AP4E1: variants seen among roughly 807,000 people sequenced by gnomAD.
The protein encoded by AP4E1 is AP-4 complex subunit epsilon-1.
AP4E1 carries 56 observed loss-of-function variants against 128.2 expected under a neutral mutation model. The ratio of observed to expected loss-of-function variants is 0.44; its 90% CI spans 0.35 to 0.55. The LOEUF (loss-of-function observed/expected upper bound fraction) is 0.55, where lower values mean the gene tolerates loss of function less well. Ranked by LOEUF, AP4E1 falls within the 20% of genes least tolerant of loss-of-function variation. The probability of loss-of-function intolerance (pLI) is 0.00; values close to 1 mark genes in which losing one functional copy is unlikely to be tolerated. For missense variants in AP4E1, 1,324 were observed against 1,307.7 expected, an observed-to-expected ratio of 1.01 and a Z score of -0.19; for synonymous variants, 484 against 473.1, an observed-to-expected ratio of 1.02 and a Z score of -0.30.
chr15:50,938,789 A>G (rs945509489), intron 8 of AP4E1, among the ~76,000 whole-genome samples: 5 of 152,154 alleles, frequency 3.3e-5, no homozygotes, highest in Admixed American at 2.6e-4. Flanking sequence ...GGCAGGGTAG[A>G]ATCAGTTGAT....
chr15:50,990,170 C>T (rs1169761963), intron 16 of AP4E1, among the ~76,000 whole-genome samples: 1 of 151,874 alleles, frequency 6.6e-6, no homozygotes, highest in Non-Finnish European at 1.5e-5. Context: ...TACAAGGGCA[C>T]ACCGTAGAAA....
chr15:50,952,708 A>C (rs1227005482), intron 13 of AP4E1, among the ~76,000 whole-genome samples: 1 of 151,428 alleles, frequency 6.6e-6, no homozygotes, highest in Admixed American at 6.6e-5. Flanking sequence ...AATGAACCCC[A>C]CTTTCTTTTG....
Position 50,992,841 on chromosome 15 carries a change from G to A in AP4E1, c.2091-529G>A, listed in dbSNP as rs534903242. 3.9e-5 allele frequency among the ~76,000 whole-genome samples: 6 copies of A among 152,186 alleles called. No individual in the cohort carries two copies. In the South Asian group the frequency reaches 1.2e-3, roughly 32 times the overall value. ...AATTTATGGGGAGCATGTATTCAGGGCAACTTGAATTTATGTTTCCTGGGT... is the reference window on the plus strand; with the variant it reads ...AATTTATGGGGAGCATGTATTCAGGACAACTTGAATTTATGTTTCCTGGGT... On this transcript the variant is annotated intron_variant, in intron 16 of 20. Coordinates refer to ENST00000261842, the MANE Select transcript of AP4E1 (RefSeq NM_007347.5).
chr15:50,909,902 G>A (rs896890493), intron 1 of AP4E1, among the ~76,000 whole-genome samples: 2 of 152,190 alleles, frequency 1.3e-5, no homozygotes, highest in Non-Finnish European at 2.9e-5. Flanking sequence ...AGCGAGGATG[G>A]TCTCGATCTC....
chr15:50,993,723 G>C (rs919799806), intron 17 of AP4E1, 98 bp downstream of exon 17: 1 of 1,457,060 alleles, frequency 6.9e-7, no homozygotes. Flanking sequence ...TATATGTATA[G>C]TGAAAAGTGG....
At chr15:50,978,987 T>TA (rs2064599011) in intron 15 of AP4E1, among the ~76,000 whole-genome samples, 1 of 152,224 alleles carries the variant, frequency 6.6e-6, no homozygotes, top group Admixed American at 6.5e-5. Context: ...TTGGAATTGA[T>TA]ACTTTTTTCT....
chr15:50,983,887 T>C, intron 15 of AP4E1, 135 bp from the exon 16 acceptor site: 1 of 775,058 alleles, frequency 1.3e-6, no homozygotes, highest in East Asian at 2.8e-5. Flanking sequence ...TTTGATTAGA[T>C]CATCCTCAAA....
At chr15:50,986,518 GC>G (rs1177891432) in intron 16 of AP4E1, among the ~76,000 whole-genome samples, 2 of 152,240 alleles carry the variant, frequency 1.3e-5, no homozygotes, top group East Asian at 1.9e-4. Context: ...TTAGCATGAA[GC>G]GCTGTTGAAT....
intron 14 of AP4E1, among the ~76,000 whole-genome samples, chr15:50,964,481 T>G (rs916865983): frequency 1.3e-5 from 2 of 152,128 alleles, no homozygotes; most frequent in African/African-American, 2.4e-5. Context: ...ATATTTCCTT[T>G]TTTTGGGATC....
intron 15 of AP4E1, among the ~76,000 whole-genome samples, chr15:50,976,097 CA>C (rs34632792): frequency 7.3e-5 from 11 of 151,276 alleles, no homozygotes; most frequent in African/African-American, 2.2e-4. Flanking sequence ...AGAGCCACCA[CA>C]AAAAAAAGAA....
At chr15:50,928,216 G>GAT (rs201791458) in intron 5 of AP4E1, among the ~76,000 whole-genome samples, 7 of 151,626 alleles carry the variant, frequency 4.6e-5, no homozygotes, top group Non-Finnish European at 7.4e-5. Context: ...GCTATCCAGT[G>GAT]ATATATATAT....
At chr15:50,962,829 G>A (rs79490108) in intron 14 of AP4E1, among the ~76,000 whole-genome samples, 10,555 of 116,214 alleles carry the variant, frequency 0.091, 549 homozygotes, top group Middle Eastern at 0.16. Flanking sequence ...GTAGACTGGG[G>A]AAAAATATTT....
At chr15:50,937,524 A>G (rs768861354) in intron 8 of AP4E1, among the ~76,000 whole-genome samples, 13 of 152,246 alleles carry the variant, frequency 8.5e-5, no homozygotes, top group Non-Finnish European at 1.6e-4. Flanking sequence ...AATTCACAAT[A>G]TAGTGGAAAG....
Position 50,950,120 on chromosome 15 carries a change from A to T in AP4E1, c.1499A>T (p.Asp500Val). 1 of 1,613,446 alleles carries T rather than the reference A, an allele frequency of 6.2e-7. No individual in the cohort carries two copies. Residue 500 changes from aspartate to valine, a missense_variant, in exon 13 of 21, where the codon GAT (aspartate) becomes GTT (valine). Coordinates refer to ENST00000261842, the MANE Select transcript of AP4E1 (RefSeq NM_007347.5). Reference sequence around the variant, plus strand: ...GTTCAGTCTTATCTCACTTTACTGGATATGGAAAATGTGTTCTATCCACAG... The same window carrying T: ...GTTCAGTCTTATCTCACTTTACTGGTTATGGAAAATGTGTTCTATCCACAG... ...YAVQSYLTLLDMENVFYPQRF... is the reference protein window; with the variant it reads ...YAVQSYLTLLVMENVFYPQRF...
At chr15:50,932,222 C>A (rs1345214807) in intron 7 of AP4E1, among the ~76,000 whole-genome samples, 1 of 152,052 alleles carries the variant, frequency 6.6e-6, no homozygotes, top group Non-Finnish European at 1.5e-5. Flanking sequence ...CAGATGATCT[C>A]CCTGCCTCAG....
chr15:50,950,075 A>T lies in AP4E1; in HGVS notation c.1454A>T (p.Gln485Leu). The T allele has an allele frequency of 6.2e-7, 1 of 1,613,304 alleles. No homozygotes were observed. The highest frequency in any genetic ancestry group is 8.5e-7 in the Non-Finnish European group (1 of 1,179,472). ...GGTTTTGATGATGAAACAGAAGATCAGCAATTAAGACTCTATGCAGTTCAG... is the reference window on the plus strand; with the variant it reads ...GGTTTTGATGATGAAACAGAAGATCTGCAATTAAGACTCTATGCAGTTCAG... ...AEGFDDETED[Q>L]QLRLYAVQSY... The change falls in exon 13 of 21, where the codon CAG (glutamine) becomes CTG (leucine). Residue 485 changes from glutamine (Q) to leucine (L), a missense_variant. Coordinates refer to ENST00000261842, the MANE Select transcript of AP4E1 (RefSeq NM_007347.5).
chr15:50,981,747 C>T (rs2064644844), intron 15 of AP4E1, among the ~76,000 whole-genome samples: 1 of 152,092 alleles, frequency 6.6e-6, no homozygotes, highest in South Asian at 2.1e-4. Context: ...GGGCTCTGCC[C>T]TCACAAATGA....
At chr15:50,949,976 A>C (rs1369170798) in intron 12 of AP4E1, 38 bp downstream of exon 12, 2 of 1,596,052 alleles carry the variant, frequency 1.3e-6, no homozygotes, top group African/African-American at 2.7e-5. Context: ...TAAACATTTT[A>C]AAGTTTAATG....
At chr15:50,992,459 CAT>C (rs1439583793) in intron 16 of AP4E1, among the ~76,000 whole-genome samples, 4 of 152,146 alleles carry the variant, frequency 2.6e-5, no homozygotes, top group African/African-American at 9.7e-5. Context: ...TTAATGGACA[CAT>C]AGCTCTTATA....
Sources: allele counts gnomAD v4.1 joint callset (sites outside exome capture counted in the v4.1 genomes callset), GRCh38; gene constraint gnomAD v4.1.1; transcripts MANE v1.5; gene names NCBI Gene and HGNC (gene_info 2026-07-23, HGNC 2026-07-21).